Variants in BRINP3 observed in about 807,000 individuals in gnomAD.
BRINP3 encodes the protein BMP/retinoic acid-inducible neural-specific protein 3.
Under a neutral mutation model 71.0 loss-of-function variants are expected in BRINP3, and 19 were observed. The ratio of observed to expected loss-of-function variants is 0.27; its 90% CI spans 0.19 to 0.39. BRINP3 has a LOEUF of 0.39. Among genes scored for constraint, BRINP3 ranks in the 10% least tolerant of loss-of-function variants. The pLI, the probability that BRINP3 is intolerant of heterozygous loss-of-function variation, is 1.00. For synonymous variants in BRINP3, 380 were observed against 337.7 expected, an observed-to-expected ratio of 1.13 and a Z score of -1.37; for missense variants, 959 against 940.8, an observed-to-expected ratio of 1.02 and a Z score of -0.25.
intron 2 of BRINP3, among the ~76,000 whole-genome samples, chr1:190,390,863 A>G (rs1671208111): frequency 6.6e-6 from 1 of 151,884 alleles, no homozygotes; most frequent in Non-Finnish European, 1.5e-5. Context: ...CTTGGCAGTT[A>G]GGGTCAGACT....
intron 2 of BRINP3, among the ~76,000 whole-genome samples, chr1:190,387,795 AATGTC>A (rs1451755027): frequency 6.6e-6 from 1 of 151,832 alleles, no homozygotes; most frequent in Non-Finnish European, 1.5e-5. Context: ...CGTGGCTTTA[AATGTC>A]ATCTTTATGA....
rs1213583180 is a variant in BRINP3, at chr1:190,098,621, C to T, written c.1698G>A (p.Glu566=). The part of the protein sequence containing the change: ...QICLTKNSTL[E]PVLAVYVNPF... ...GATTGACATAAACAGCCAACACTGG[C>T]TCCAAGGTGCTGTTTTTAGTTAAGC... The change falls in exon 8 of 8, where the codon GAG becomes GAA. Residue 566 remains glutamate, a synonymous_variant. Coordinates refer to ENST00000367462, the MANE Select transcript of BRINP3 (RefSeq NM_199051.3). 1.2e-6 allele frequency: 2 copies of T among 1,614,156 alleles called. No homozygotes were observed. Among genetic ancestry groups the T allele is most frequent in the East Asian group, 2.2e-5 (1 of 44,866 alleles).
chr1:190,174,901 A>T (rs566454441), intron 6 of BRINP3, among the ~76,000 whole-genome samples: 1 of 152,246 alleles, frequency 6.6e-6, no homozygotes, highest in South Asian at 2.1e-4. Context: ...GAAATATGCC[A>T]CCACATATTA....
chr1:190,102,474 A>G (rs916941540), intron 7 of BRINP3, among the ~76,000 whole-genome samples: 3 of 152,190 alleles, frequency 2.0e-5, no homozygotes, highest in Non-Finnish European at 2.9e-5. Flanking sequence ...CACACTATTT[A>G]CGGTCTACTT....
chr1:190,238,465 A>C (rs998606919), intron 4 of BRINP3, among the ~76,000 whole-genome samples: 1 of 152,122 alleles, frequency 6.6e-6, no homozygotes, highest in East Asian at 1.9e-4. Context: ...ACTAACAATA[A>C]TATGGCAAGA....
chr1:190,219,692 G>T (rs910019952), intron 6 of BRINP3, among the ~76,000 whole-genome samples: 1 of 151,840 alleles, frequency 6.6e-6, no homozygotes, highest in Admixed American at 6.6e-5. Flanking sequence ...ACAAAAATTA[G>T]CTGGATGTGG....
intron 2 of BRINP3, among the ~76,000 whole-genome samples, chr1:190,306,013 G>T (rs1665071183): frequency 6.6e-6 from 1 of 151,610 alleles, no homozygotes; most frequent in South Asian, 2.1e-4. Context: ...TTTCTTTTCT[G>T]TTTTGTTGGC....
chr1:190,187,447 C>T (rs757097655), intron 6 of BRINP3, among the ~76,000 whole-genome samples: 18 of 151,958 alleles, frequency 1.2e-4, no homozygotes, highest in Admixed American at 2.0e-4. Flanking sequence ...AGGCAAAAAC[C>T]CATTGACCAG....
chr1:190,323,303 G>C (rs1034568671), intron 2 of BRINP3, among the ~76,000 whole-genome samples: 2 of 151,822 alleles, frequency 1.3e-5, no homozygotes, highest in Non-Finnish European at 2.9e-5. Context: ...AGACAATAGA[G>C]AGGTTACTGG....
intron 2 of BRINP3, among the ~76,000 whole-genome samples, chr1:190,287,111 C>A (rs1663489473): frequency 6.6e-6 from 1 of 151,832 alleles, no homozygotes; most frequent in African/African-American, 2.4e-5. Flanking sequence ...CCTGTAATCC[C>A]AGCTACTCAG....
chr1:190,403,516 A>G (rs563305940), intron 2 of BRINP3, among the ~76,000 whole-genome samples: 1 of 152,192 alleles, frequency 6.6e-6, no homozygotes, highest in Non-Finnish European at 1.5e-5. Flanking sequence ...AGATAAAATA[A>G]AGATATGGAA....
intron 7 of BRINP3, among the ~76,000 whole-genome samples, chr1:190,141,409 AGT>A: frequency 6.6e-6 from 1 of 152,190 alleles, no homozygotes; most frequent in Non-Finnish European, 1.5e-5. Context: ...TCTGCAGTGT[AGT>A]CAAGAAGACA....
chr1:190,338,277 A>T (rs1252267283), intron 2 of BRINP3, among the ~76,000 whole-genome samples: 1 of 152,076 alleles, frequency 6.6e-6, no homozygotes, highest in Non-Finnish European at 1.5e-5. Context: ...CTCTAGAGGT[A>T]ATTTGTCATT....
At chr1:190,297,966 A>C (rs565985430) in intron 2 of BRINP3, among the ~76,000 whole-genome samples, 4 of 152,260 alleles carry the variant, frequency 2.6e-5, no homozygotes, top group Middle Eastern at 3.4e-3. Context: ...TTTCCAGTGA[A>C]ATCATCTGGG....
At chr1:190,203,784 T>TAC (rs1655239098) in intron 6 of BRINP3, among the ~76,000 whole-genome samples, 3 of 100,462 alleles carry the variant, frequency 3.0e-5, no homozygotes, top group African/African-American at 1.2e-4. Flanking sequence ...TATATATATA[T>TAC]ATATATATAT....
chr1:190,176,120 A>G (rs1332606878), intron 6 of BRINP3, among the ~76,000 whole-genome samples: 1 of 152,210 alleles, frequency 6.6e-6, no homozygotes, highest in Admixed American at 6.6e-5. Context: ...GAAAACAATA[A>G]AAGAGTATAA....
At chr1:190,268,135 A>T (rs1661811340) in intron 3 of BRINP3, among the ~76,000 whole-genome samples, 1 of 152,212 alleles carries the variant, frequency 6.6e-6, no homozygotes, top group Non-Finnish European at 1.5e-5. Flanking sequence ...GGAAATCATT[A>T]ATATAATTCA....
chr1:190,384,135 T>A (rs944180306), intron 2 of BRINP3, among the ~76,000 whole-genome samples: 2 of 151,458 alleles, frequency 1.3e-5, no homozygotes, highest in Non-Finnish European at 3.0e-5. Context: ...GAGATAATAT[T>A]GGCCACAAAT....
chr1:190,343,074 A>C (rs1447999372), intron 2 of BRINP3, among the ~76,000 whole-genome samples: 1 of 151,734 alleles, frequency 6.6e-6, no homozygotes, highest in Non-Finnish European at 1.5e-5. Flanking sequence ...ATCTACCATC[A>C]ATCAAAGTAC....
Sources: gnomAD v4.1 joint callset for allele counts (sites outside exome capture counted in the v4.1 genomes callset) on GRCh38, gnomAD v4.1.1 for gene constraint, MANE v1.5 for transcripts, NCBI Gene and HGNC (gene_info 2026-07-23, HGNC 2026-07-21) for gene names.